Variants in TUSC3 observed in about 807,000 individuals in gnomAD.
TUSC3 encodes the protein tumor suppressor candidate 3, also known as dolichyl-diphosphooligosaccharide--protein glycosyltransferase subunit TUSC3.
Under a neutral mutation model 44.8 loss-of-function variants are expected in TUSC3, and 45 were observed. The observed-to-expected ratio is 1.00, with a 90% CI of 0.79 to 1.29. The LOEUF (loss-of-function observed/expected upper bound fraction) is 1.29, where lower values mean the gene tolerates loss of function less well. Among genes scored for constraint, TUSC3 ranks in the 50% most tolerant of loss-of-function variants. The pLI is 0.00. For missense variants in TUSC3, 519 were observed against 437.9 expected (o/e 1.19, Z -1.65); for synonymous variants, 212 against 152.9 (o/e 1.39, Z -2.85).
intron 6 of TUSC3, among the ~76,000 whole-genome samples, chr8:15,695,157 C>G (rs1042439306): frequency 6.6e-6 from 1 of 152,138 alleles, no homozygotes; most frequent in Non-Finnish European, 1.5e-5. Flanking sequence ...CAGTTAGCAC[C>G]ATCTGATATG....
intron 10 of TUSC3, among the ~76,000 whole-genome samples, chr8:15,761,633 G>A (rs912841461): frequency 6.6e-6 from 1 of 152,176 alleles, no homozygotes; most frequent in African/African-American, 2.4e-5. Flanking sequence ...GATAACTACA[G>A]TGCGATTCGT....
intron 1 of TUSC3, among the ~76,000 whole-genome samples, chr8:15,563,579 A>C (rs1436539354): frequency 6.6e-6 from 1 of 150,392 alleles, no homozygotes; most frequent in Non-Finnish European, 1.5e-5. Context: ...CCAGCTACTC[A>C]GGAGGCTGAG....
At chr8:15,656,510 G>C (rs1807172624) in intron 3 of TUSC3, among the ~76,000 whole-genome samples, 1 of 152,184 alleles carries the variant, frequency 6.6e-6, no homozygotes, top group African/African-American at 2.4e-5. Context: ...CTGAAAGCTG[G>C]AGATTATTTT....
chr8:15,512,117 C>A (rs1164028925), intron 2 of TUSC3, among the ~76,000 whole-genome samples: 1 of 152,096 alleles, frequency 6.6e-6, no homozygotes, highest in Non-Finnish European at 1.5e-5. Context: ...TCAAAACTTA[C>A]TATAAAGCTA....
chr8:15,712,372 T>C (rs1458382240), intron 6 of TUSC3, among the ~76,000 whole-genome samples: 1 of 152,058 alleles, frequency 6.6e-6, no homozygotes, highest in Non-Finnish European at 1.5e-5. Context: ...ACCTGCTCTT[T>C]TCAGAACTAT....
chr8:15,638,585 A>G (rs1215641021), intron 2 of TUSC3, among the ~76,000 whole-genome samples: 3 of 129,802 alleles, frequency 2.3e-5, no homozygotes, highest in Non-Finnish European at 3.0e-5. Context: ...GTGCAGTGGC[A>G]TGATCTCTGC....
chr8:15,504,609 ATATATATATATATTTTTTT>A (rs1312503308), intron 2 of TUSC3, among the ~76,000 whole-genome samples: 582 of 25,790 alleles, frequency 0.023, 8 homozygotes, highest in African/African-American at 0.082. Flanking sequence ...ATATATATAT[ATATATATATATATTTTTTT>A]TTTTTTTTTT....
chr8:15,440,743 T>C (rs996165795), intron 1 of TUSC3, among the ~76,000 whole-genome samples: 2 of 152,222 alleles, frequency 1.3e-5, no homozygotes, highest in South Asian at 2.1e-4. Context: ...ACTATGATAT[T>C]CTTCAGGAAA....
intron 7 of TUSC3, among the ~76,000 whole-genome samples, chr8:15,737,469 A>C (rs1810985697): frequency 6.6e-6 from 1 of 152,166 alleles, no homozygotes; most frequent in Non-Finnish European, 1.5e-5. Flanking sequence ...GGATCATGTC[A>C]GTATTTTGAC....
At chr8:15,649,225 G>A (rs549552248) in intron 2 of TUSC3, among the ~76,000 whole-genome samples, 1 of 151,680 alleles carries the variant, frequency 6.6e-6, no homozygotes, top group African/African-American at 2.4e-5. Flanking sequence ...TTTTCGTTGC[G>A]GTGGGGATGA....
intron 3 of TUSC3, among the ~76,000 whole-genome samples, chr8:15,652,932 C>T (rs1034445286): frequency 6.6e-6 from 1 of 152,134 alleles, no homozygotes; most frequent in African/African-American, 2.4e-5. Context: ...AATACATTAT[C>T]TGTTTTGTTA....
At chr8:15,494,790 C>T (rs1800857796) in intron 2 of TUSC3, among the ~76,000 whole-genome samples, 2 of 152,188 alleles carry the variant, frequency 1.3e-5, no homozygotes, top group South Asian at 4.1e-4. Context: ...TGCAGCCCTG[C>T]AACAAAAACT....
the TUSC3 span, among the ~76,000 whole-genome samples, chr8:15,796,867 C>T: frequency 9.6e-3 from 1,465 of 152,272 alleles, 7 homozygotes; most frequent in Non-Finnish European, 0.016. Flanking sequence ...CAGACCCGCC[C>T]GCTGCCCAAT....
intron 1 of TUSC3, among the ~76,000 whole-genome samples, chr8:15,430,193 C>T (rs1489078564): frequency 6.9e-6 from 1 of 145,668 alleles, no homozygotes; most frequent in Non-Finnish European, 1.5e-5. Flanking sequence ...AATTTTAGAC[C>T]AATACCCTTG....
chr8:15,622,428 C>T (rs926175332), intron 1 of TUSC3, among the ~76,000 whole-genome samples: 2 of 151,826 alleles, frequency 1.3e-5, no homozygotes, highest in African/African-American at 4.8e-5. Flanking sequence ...CCACCATTCC[C>T]AGCCTATAAG....
intron 1 of TUSC3, among the ~76,000 whole-genome samples, chr8:15,606,558 G>T (rs867800745): frequency 2.0e-5 from 3 of 151,956 alleles, no homozygotes; most frequent in Non-Finnish European, 4.4e-5. Flanking sequence ...ACAAATTGTG[G>T]ATATTCTTGT....
At chr8:15,697,787 G>A (rs1809234167) in intron 6 of TUSC3, among the ~76,000 whole-genome samples, 1 of 152,184 alleles carries the variant, frequency 6.6e-6, no homozygotes, top group South Asian at 2.1e-4. Context: ...AGTAACCTGA[G>A]AAATTGTTTT....
chr8:15,791,439 T>C, the TUSC3 span, among the ~76,000 whole-genome samples: 11 of 152,160 alleles, frequency 7.2e-5, no homozygotes, highest in African/African-American at 2.7e-4. Context: ...TATGCATAGC[T>C]CTGCTCATCT....
intron 1 of TUSC3, among the ~76,000 whole-genome samples, chr8:15,553,677 A>G (rs1802133951): frequency 6.6e-6 from 1 of 151,760 alleles, no homozygotes; most frequent in Non-Finnish European, 1.5e-5. Flanking sequence ...TGGTAGGTTA[A>G]TTAATGAGTG....
Sources: gnomAD v4.1 joint callset for allele counts (sites outside exome capture counted in the v4.1 genomes callset) on GRCh38, gnomAD v4.1.1 for gene constraint, MANE v1.5 for transcripts, NCBI Gene and HGNC (gene_info 2026-07-23, HGNC 2026-07-21) for gene names.